The following CSMD2 variants were observed in gnomAD, a reference collection of about 807,000 sequenced individuals.
CSMD2 encodes CUB and Sushi multiple domains 2, also known as CUB and sushi domain-containing protein 2.
In CSMD2, 130 loss-of-function variants were observed where a neutral mutation model predicts 398.5. That is an observed-to-expected ratio of 0.33 (90% confidence interval 0.28 to 0.38). CSMD2 has a LOEUF of 0.38. Ranked by LOEUF, CSMD2 falls within the 10% of genes least tolerant of loss-of-function variation. The probability of loss-of-function intolerance (pLI) is 1.00; values close to 1 mark genes in which losing one functional copy is unlikely to be tolerated. For missense variants in CSMD2, 3,829 were observed against 4,764.9 expected, an observed-to-expected ratio of 0.80 and a Z score of 5.78; for synonymous variants, 1,828 against 1,908.5, an observed-to-expected ratio of 0.96 and a Z score of 1.10.
At chr1:33,861,975 T>C (rs934802279) in intron 5 of CSMD2, among the ~76,000 whole-genome samples, 2 of 151,856 alleles carry the variant, frequency 1.3e-5, no homozygotes, top group African/African-American at 2.4e-5. Flanking sequence ...CAAAGTGAGA[T>C]GGAAACCAGA....
chr1:34,069,190 T>A (rs1214235974), intron 2 of CSMD2, among the ~76,000 whole-genome samples: 3 of 152,172 alleles, frequency 2.0e-5, no homozygotes, highest in African/African-American at 7.2e-5. Flanking sequence ...GTCATCTACT[T>A]TTAGGGAGGC....
intron 2 of CSMD2, among the ~76,000 whole-genome samples, chr1:34,080,207 C>T (rs1488253927): frequency 1.3e-5 from 2 of 149,148 alleles, no homozygotes; most frequent in Non-Finnish European, 3.0e-5. Context: ...ACAAAATTCA[C>T]TCTGAAGATC....
At chr1:33,829,953 G>A (rs1042582855) in intron 6 of CSMD2, among the ~76,000 whole-genome samples, 22 of 152,220 alleles carry the variant, frequency 1.4e-4, no homozygotes, top group African/African-American at 5.3e-4. Context: ...GCAAGGCGGG[G>A]GGAGGGGCGC....
chr1:34,139,407 T>C (rs543205292), intron 1 of CSMD2, among the ~76,000 whole-genome samples: 3 of 152,334 alleles, frequency 2.0e-5, no homozygotes, highest in East Asian at 3.9e-4. Context: ...CCCCTCGACC[T>C]TGGACTTCTC....
intron 44 of CSMD2, among the ~76,000 whole-genome samples, chr1:33,593,357 A>T (rs1639601204): frequency 6.6e-6 from 1 of 152,214 alleles, no homozygotes; most frequent in Non-Finnish European, 1.5e-5. Context: ...GTCCATTTTC[A>T]TGCTGCTGAT....
rs542635965 is a variant in CSMD2, at chr1:33,730,455, C to T, written c.2369-3770G>A. 5.9e-5 allele frequency among the ~76,000 whole-genome samples: 9 copies of T among 152,016 alleles called. No homozygotes were observed. The South Asian group carries it at 1.9e-3, about 32-fold the overall frequency. Reference sequence around the variant, plus strand: ...AATTAAAATGAAAGATTAAGCAAATCAATAAACTGATAAGCAATTTCTAGA... The same window carrying T: ...AATTAAAATGAAAGATTAAGCAAATTAATAAACTGATAAGCAATTTCTAGA... On this transcript the variant is annotated intron_variant, in intron 15 of 70. Transcript: ENST00000373381.
chr1:33,817,652 G>A (rs1191439090), intron 9 of CSMD2, among the ~76,000 whole-genome samples: 2 of 152,224 alleles, frequency 1.3e-5, no homozygotes, highest in Non-Finnish European at 1.5e-5. Flanking sequence ...AGCTGAATAT[G>A]TGTGCACGTA....
intron 1 of CSMD2, among the ~76,000 whole-genome samples, chr1:34,093,257 T>A (rs1200232431): frequency 1.3e-5 from 2 of 152,154 alleles, no homozygotes; most frequent in Non-Finnish European, 2.9e-5. Context: ...AACCCATCTG[T>A]ACATCGCCAT....
At chr1:34,084,600 A>G (rs972190317) in intron 2 of CSMD2, among the ~76,000 whole-genome samples, 1 of 152,330 alleles carries the variant, frequency 6.6e-6, no homozygotes, top group African/African-American at 2.4e-5. Context: ...AAAAGAAGAC[A>G]TTTATGCAGC....
At chr1:33,732,747 C>A (rs914013540) in intron 15 of CSMD2, among the ~76,000 whole-genome samples, 2 of 152,202 alleles carry the variant, frequency 1.3e-5, no homozygotes, top group Admixed American at 6.5e-5. Context: ...CTTCTCCTGA[C>A]CCTGATGCTA....
intron 5 of CSMD2, among the ~76,000 whole-genome samples, chr1:33,883,908 G>C (rs543219928): frequency 6.6e-6 from 1 of 152,198 alleles, no homozygotes; most frequent in Non-Finnish European, 1.5e-5. Context: ...GAGAGGGTCA[G>C]CCCTAGAAGG....
intron 27 of CSMD2, among the ~76,000 whole-genome samples, chr1:33,655,740 A>G (rs1643927160): frequency 6.6e-6 from 1 of 152,218 alleles, no homozygotes; most frequent in Admixed American, 6.5e-5. Flanking sequence ...ACGCCCAGGG[A>G]GCTGGAAATC....
chr1:33,935,676 C>T (rs1341184321), intron 4 of CSMD2, 84 bp downstream of exon 4: 2 of 1,407,464 alleles, frequency 1.4e-6, no homozygotes, highest in Non-Finnish European at 1.9e-6. Context: ...TAGCTTTGCC[C>T]TTTGAGACTG....
chr1:33,930,183 G>T (rs1306707138), intron 4 of CSMD2, among the ~76,000 whole-genome samples: 1 of 152,226 alleles, frequency 6.6e-6, no homozygotes, highest in African/African-American at 2.4e-5. Context: ...GCTCATAACA[G>T]GCACTCAAGA....
At chr1:33,583,919 C>A in intron 46 of CSMD2, 89 bp from the exon 47 acceptor site, 2 of 1,101,316 alleles carry the variant, frequency 1.8e-6, no homozygotes, top group Non-Finnish European at 2.7e-6. Flanking sequence ...CTAAAGACAA[C>A]CCCTAGAAAA....
At chr1:33,818,917 A>G (rs1238237766) in intron 9 of CSMD2, among the ~76,000 whole-genome samples, 9 of 152,190 alleles carry the variant, frequency 5.9e-5, no homozygotes. Flanking sequence ...TCTTTCTTAG[A>G]TCAGAAGGAT....
chr1:33,623,216 G>A (rs950749532), intron 36 of CSMD2, among the ~76,000 whole-genome samples, 154 bp downstream of exon 36: 2 of 152,206 alleles, frequency 1.3e-5, no homozygotes, highest in Middle Eastern at 3.4e-3. Context: ...AGGACCTTTC[G>A]AATCTCCTGA....
chr1:33,577,104 C>G (rs1269259943), intron 49 of CSMD2, among the ~76,000 whole-genome samples, 192 bp downstream of exon 49: 1 of 152,224 alleles, frequency 6.6e-6, no homozygotes, highest in East Asian at 1.9e-4. Context: ...GATGTGCTCA[C>G]ATACCCATCT....
chr1:33,569,139 C>T (rs1189105070), intron 52 of CSMD2, among the ~76,000 whole-genome samples: 1 of 152,172 alleles, frequency 6.6e-6, no homozygotes, highest in Non-Finnish European at 1.5e-5. Context: ...AGAATGAGAA[C>T]CCCTCAAAAG....
Sources: gnomAD v4.1 joint callset for allele counts (sites outside exome capture counted in the v4.1 genomes callset) on GRCh38, gnomAD v4.1.1 for gene constraint, MANE v1.5 for transcripts, NCBI Gene and HGNC (gene_info 2026-07-23, HGNC 2026-07-21) for gene names.